Variants in NEDD4L observed in about 807,000 individuals in gnomAD.
The protein encoded by NEDD4L is NEDD4 like E3 ubiquitin protein ligase.
Under a neutral mutation model 148.9 loss-of-function variants are expected in NEDD4L, and 54 were observed. The ratio of observed to expected loss-of-function variants is 0.36; its 90% CI spans 0.29 to 0.45. The LOEUF (loss-of-function observed/expected upper bound fraction) is 0.45. Among genes scored for constraint, NEDD4L ranks in the 20% least tolerant of loss-of-function variants. NEDD4L has a pLI of 1.00. For synonymous variants in NEDD4L, 433 were observed against 440.7 expected (o/e 0.98, Z 0.22); for missense variants, 856 against 1,233.8 (o/e 0.69, Z 4.59).
chr18:58,112,646 G>A (rs2085494787), intron 1 of NEDD4L, among the ~76,000 whole-genome samples: 2 of 151,912 alleles, frequency 1.3e-5, no homozygotes, highest in Admixed American at 6.6e-5. Flanking sequence ...GTGCCACCAT[G>A]CCCAGCTGAT....
At chr18:58,379,965 G>A (rs2048120391) in intron 24 of NEDD4L, among the ~76,000 whole-genome samples, 1 of 152,076 alleles carries the variant, frequency 6.6e-6, no homozygotes, top group African/African-American at 2.4e-5. Flanking sequence ...GAGAAACCCA[G>A]GGTCAGAATC....
intron 8 of NEDD4L, among the ~76,000 whole-genome samples, 164 bp downstream of exon 8, chr18:58,323,498 G>A (rs1045239159): frequency 6.6e-6 from 1 of 152,302 alleles, no homozygotes; most frequent in African/African-American, 2.4e-5. Flanking sequence ...GCAGTTATTT[G>A]TTTTGGTTAA....
At chr18:58,212,030 T>C (rs566996746) in intron 2 of NEDD4L, among the ~76,000 whole-genome samples, 3 of 152,320 alleles carry the variant, frequency 2.0e-5, no homozygotes, top group African/African-American at 4.8e-5. Flanking sequence ...CAAGAAAATA[T>C]AAGAACCTAT....
At chr18:58,380,316 A>ATTTG (rs1237073240) in intron 24 of NEDD4L, among the ~76,000 whole-genome samples, 1 of 146,966 alleles carries the variant, frequency 6.8e-6, no homozygotes, top group East Asian at 2.0e-4. Flanking sequence ...TTATTTATTT[A>ATTTG]TTTATTTATT....
intron 5 of NEDD4L, among the ~76,000 whole-genome samples, chr18:58,312,446 A>G: frequency 6.6e-6 from 1 of 152,204 alleles, no homozygotes; most frequent in East Asian, 1.9e-4. Context: ...TAATGTTGGT[A>G]TGAGGTGTTG....
At position 58,366,365 on chromosome 18, in the gene NEDD4L, C is replaced by A; in HGVS notation, c.2063+137C>A. ...GTTTGTTCTCTCCTCACCCCACAGC[C>A]CCTTGCAAGTCTAGAACAGGTTCTG... On this transcript the variant is annotated intron_variant, in intron 21 of 30. Coordinates refer to ENST00000400345, the MANE Select transcript of NEDD4L (RefSeq NM_001144967.3). The surrounding 1 kb of genome is among the most constrained non-coding windows in gnomAD (Gnocchi z 4.2). The A allele has an allele frequency of 1.7e-6, 1 of 580,942 alleles. No individual in the cohort carries two copies. The highest frequency in any genetic ancestry group is 2.8e-5 in the East Asian group (1 of 35,726). 36.0% of individuals were successfully genotyped at this position (580,942 alleles called of 1,614,324 possible).
Position 58,383,253 on chromosome 18 carries a change from A to G in NEDD4L, c.2360A>G (p.Gln787Arg). ...TTGTCTTTGTAATTACAGACATATC[A>G]AGTGGATTTGAAGCCCAATGGGTCA... ...IDEENFGQTY[Q>R]VDLKPNGSEI... Residue 787 changes from glutamine to arginine, a missense_variant, in exon 25 of 31, where the codon CAA becomes CGA. Coordinates refer to ENST00000400345, the MANE Select transcript of NEDD4L (RefSeq NM_001144967.3). 6.6e-7 allele frequency: 1 copy of G among 1,516,058 alleles called. No individual in the cohort carries two copies. The allele number at this position is 1,516,058 out of a possible 1,614,324, so 93.9% of individuals were successfully genotyped here. A position where few individuals can be genotyped will look rare whatever the true frequency, so the allele number is the denominator to read the frequency against.
Position 58,372,734 on chromosome 18 carries a change from G to C in NEDD4L, c.2257-440G>C, listed in dbSNP as rs554995413. 8.4e-5 allele frequency: 13 copies of C among 155,038 alleles called. No individual in the cohort carries two copies. In the South Asian group the frequency reaches 2.2e-3, roughly 26 times the overall value. 9.6% of individuals were successfully genotyped at this position (155,038 alleles called of 1,614,324 possible). On this transcript the variant is annotated intron_variant, in intron 23 of 30. Coordinates refer to ENST00000400345, the MANE Select transcript of NEDD4L (RefSeq NM_001144967.3). ...AGCTACTCAGGAGGCTGAGGCGGGA[G>C]AGTCACTAGAACCCGGGAGGCAAAG...
intron 5 of NEDD4L, among the ~76,000 whole-genome samples, chr18:58,312,036 AT>A (rs753447437): frequency 1.8e-4 from 27 of 152,182 alleles, no homozygotes; most frequent in Admixed American, 9.8e-4. Context: ...GTTCATCAGT[AT>A]TTACCGCACA....
intron 2 of NEDD4L, among the ~76,000 whole-genome samples, chr18:58,243,312 CATG>C (rs1485561327): frequency 6.6e-6 from 1 of 152,212 alleles, no homozygotes; most frequent in Non-Finnish European, 1.5e-5. Context: ...CTGGAGGTAA[CATG>C]ATCATCAGGC....
chr18:58,166,108 A>T (rs1183106354), intron 2 of NEDD4L, among the ~76,000 whole-genome samples: 2 of 152,208 alleles, frequency 1.3e-5, no homozygotes, highest in African/African-American at 4.8e-5. Context: ...GGCTAATTTC[A>T]TGAGATTAGC....
intron 24 of NEDD4L, among the ~76,000 whole-genome samples, chr18:58,382,762 C>T (rs1727510078): frequency 6.6e-6 from 1 of 152,194 alleles, no homozygotes; most frequent in African/African-American, 2.4e-5. Context: ...AAATCTGTCT[C>T]TTCAGCCTGG....
chr18:58,123,821 C>A (rs180769514), intron 1 of NEDD4L, among the ~76,000 whole-genome samples: 48 of 152,238 alleles, frequency 3.2e-4, no homozygotes, highest in African/African-American at 1.0e-3. Flanking sequence ...CACCTGCTGC[C>A]GCGGAGGCTT....
chr18:58,256,160 G>T lies in NEDD4L; in HGVS notation c.297+4106G>T, dbSNP rs985804672. On this transcript the variant is annotated intron_variant, in intron 5 of 30. Coordinates refer to ENST00000400345, the MANE Select transcript of NEDD4L (RefSeq NM_001144967.3). The surrounding 1 kb of genome is among the most constrained non-coding windows in gnomAD (Gnocchi z 5.2). ...GGTCAACGGCACGTGCGGCCGCCGC[G>T]TGCGGTGCTCCGGCCCCGTGGACTG... is the stretch of plus-strand genomic sequence containing the variant. 14 of 1,219,356 alleles carry T rather than the reference G, an allele frequency of 1.1e-5. No individual in the cohort carries two copies. Among genetic ancestry groups the T allele is most frequent in the Middle Eastern group, 6.3e-4 (2 of 3,156 alleles). The allele number at this position is 1,219,356 out of a possible 1,614,324, so 75.5% of individuals were successfully genotyped here.
chr18:58,091,275 G>A (rs1266476357), intron 1 of NEDD4L: 4 of 152,262 alleles, frequency 2.6e-5, no homozygotes, highest in Admixed American at 2.6e-4. Context: ...ATTTGGCACA[G>A]TGAGGGAAGG....
chr18:58,234,397 T>C (rs2045757123), intron 2 of NEDD4L, among the ~76,000 whole-genome samples: 1 of 148,054 alleles, frequency 6.8e-6, no homozygotes, highest in Admixed American at 6.8e-5. Context: ...AGTGGCATGA[T>C]CATGGCTCAC....
chr18:58,345,500 A>T (rs1467552188), intron 16 of NEDD4L, among the ~76,000 whole-genome samples: 4 of 152,252 alleles, frequency 2.6e-5, no homozygotes, highest in Admixed American at 2.6e-4. Context: ...AAGGAAAAAA[A>T]CTGGTAGGAC....
chr18:58,376,901 T>C (rs2047636196), intron 24 of NEDD4L, among the ~76,000 whole-genome samples: 1 of 152,182 alleles, frequency 6.6e-6, no homozygotes, highest in South Asian at 2.1e-4. Flanking sequence ...GGCCCTCTGC[T>C]TTCTCTTCCA....
chr18:58,165,427 A>G (rs1295131276), intron 1 of NEDD4L, among the ~76,000 whole-genome samples: 1 of 152,222 alleles, frequency 6.6e-6, no homozygotes, highest in Non-Finnish European at 1.5e-5. Context: ...TATTTGTTAT[A>G]TTTATGCAAA....
Sources: gnomAD v4.1 joint callset for allele counts (sites outside exome capture counted in the v4.1 genomes callset) on GRCh38, gnomAD v4.1.1 for gene constraint, Gnocchi (gnomAD v3.1) non-coding constraint, MANE v1.5 for transcripts, NCBI Gene and HGNC (gene_info 2026-07-23, HGNC 2026-07-21) for gene names.